SCHIP1: variants seen among roughly 807,000 people sequenced by gnomAD.
SCHIP1 encodes the protein schwannomin interacting protein 1, also known as schwannomin-interacting protein 1.
Under a neutral mutation model 29.7 loss-of-function variants are expected in SCHIP1, and 8 were observed. The ratio of observed to expected loss-of-function variants is 0.27; its 90% CI spans 0.16 to 0.49. The LOEUF (loss-of-function observed/expected upper bound fraction) is 0.49, where lower values mean the gene tolerates loss of function less well. SCHIP1 is among the 20% of genes least tolerant of loss of function. The pLI, the probability that SCHIP1 is intolerant of heterozygous loss-of-function variation, is 0.99. For synonymous variants in SCHIP1, 76 were observed against 94.9 expected, an observed-to-expected ratio of 0.80 and a Z score of 1.16; for missense variants, 193 against 294.6, an observed-to-expected ratio of 0.66 and a Z score of 2.52.
the SCHIP1 span, among the ~76,000 whole-genome samples, chr3:159,410,825 C>T: frequency 1.3e-5 from 2 of 152,040 alleles, no homozygotes; most frequent in Non-Finnish European, 2.9e-5. Context: ...TCTTCACTCC[C>T]ATGTTAATTG....
At chr3:159,555,394 G>A in the SCHIP1 span, among the ~76,000 whole-genome samples, 1 of 151,968 alleles carries the variant, frequency 6.6e-6, no homozygotes, top group Non-Finnish European at 1.5e-5. Context: ...TTTACTTTTG[G>A]CTTTTGTTAC....
At chr3:159,876,449 T>C (rs914116244) in intron 2 of SCHIP1, among the ~76,000 whole-genome samples, 1 of 152,224 alleles carries the variant, frequency 6.6e-6, no homozygotes, top group African/African-American at 2.4e-5. Context: ...TTGTGCCTAC[T>C]TCATGGGGTT....
chr3:159,673,780 AAACAAC>A, the SCHIP1 span, among the ~76,000 whole-genome samples: 614 of 152,242 alleles, frequency 4.0e-3, 2 homozygotes, highest in African/African-American at 0.014. Flanking sequence ...TTAATATTAA[AAACAAC>A]AACAACAACA....
chr3:159,368,315 G>A, the SCHIP1 span, among the ~76,000 whole-genome samples: 1 of 152,166 alleles, frequency 6.6e-6, no homozygotes, highest in Non-Finnish European at 1.5e-5. Context: ...TTCTTGGGTA[G>A]TCAAGCTCCA....
the SCHIP1 span, among the ~76,000 whole-genome samples, chr3:159,774,010 T>C: frequency 6.6e-6 from 1 of 152,258 alleles, no homozygotes; most frequent in African/African-American, 2.4e-5. Context: ...TGTATGCCAC[T>C]TACTTGTACT....
At chr3:159,560,610 C>T in the SCHIP1 span, among the ~76,000 whole-genome samples, 3,924 of 152,184 alleles carry the variant, frequency 0.026, 154 homozygotes, top group African/African-American at 0.084. Flanking sequence ...TCTTTTTCCA[C>T]GCATCATTTC....
the SCHIP1 span, among the ~76,000 whole-genome samples, chr3:159,293,661 G>T: frequency 6.6e-6 from 1 of 152,164 alleles, no homozygotes; most frequent in East Asian, 1.9e-4. Flanking sequence ...CAGACAAATA[G>T]GAGACATAAG....
intron 1 of SCHIP1, among the ~76,000 whole-genome samples, chr3:159,841,861 C>G (rs1277339083): frequency 6.6e-6 from 1 of 152,142 alleles, no homozygotes; most frequent in Non-Finnish European, 1.5e-5. Context: ...TAATAATGGT[C>G]AATAGATTTT....
the SCHIP1 span, among the ~76,000 whole-genome samples, chr3:159,493,488 A>G: frequency 6.6e-6 from 1 of 152,132 alleles, no homozygotes; most frequent in Non-Finnish European, 1.5e-5. Context: ...ACCAACAAAG[A>G]TCAAAAGAGA....
chr3:159,313,393 C>T, the SCHIP1 span, among the ~76,000 whole-genome samples: 4 of 152,212 alleles, frequency 2.6e-5, no homozygotes, highest in South Asian at 2.1e-4. Flanking sequence ...ACCATAATGA[C>T]AGCCACTACA....
At chr3:159,728,497 T>C in the SCHIP1 span, among the ~76,000 whole-genome samples, 2 of 152,178 alleles carry the variant, frequency 1.3e-5, no homozygotes, top group African/African-American at 4.8e-5. Context: ...GCCTAAGTAA[T>C]GTCTTATTAA....
the SCHIP1 span, among the ~76,000 whole-genome samples, chr3:159,427,640 A>T: frequency 4.7e-5 from 7 of 149,984 alleles, no homozygotes; most frequent in African/African-American, 1.7e-4. Flanking sequence ...TATAGATTCA[A>T]TGCCATCCCC....
chr3:159,538,749 T>C, the SCHIP1 span, among the ~76,000 whole-genome samples: 1 of 152,196 alleles, frequency 6.6e-6, no homozygotes, highest in African/African-American at 2.4e-5. Flanking sequence ...AAACATTTTA[T>C]ATAACTGCCC....
the SCHIP1 span, among the ~76,000 whole-genome samples, chr3:159,297,863 G>T: frequency 2.0e-5 from 3 of 152,288 alleles, no homozygotes; most frequent in Admixed American, 6.5e-5. Flanking sequence ...AGAAAGACTT[G>T]CTCTGACCAT....
At chr3:159,845,303 T>G (rs1711636383) in intron 1 of SCHIP1, 1 of 152,154 alleles carries the variant, frequency 6.6e-6, no homozygotes, top group Non-Finnish European at 1.5e-5. Flanking sequence ...CTCAGTACAT[T>G]TTGTTTTTAC....
At chr3:159,317,312 G>C in the SCHIP1 span, among the ~76,000 whole-genome samples, 6 of 152,166 alleles carry the variant, frequency 3.9e-5, no homozygotes, top group Admixed American at 3.9e-4. Flanking sequence ...TTAACTTCCA[G>C]TTTAATGGAA....
the SCHIP1 span, among the ~76,000 whole-genome samples, chr3:159,365,310 A>G: frequency 6.6e-6 from 1 of 152,086 alleles, no homozygotes; most frequent in African/African-American, 2.4e-5. Flanking sequence ...ATTACATGAT[A>G]TTGCTTCGTT....
chr3:159,686,980 C>A, the SCHIP1 span, among the ~76,000 whole-genome samples: 7 of 152,174 alleles, frequency 4.6e-5, no homozygotes, highest in East Asian at 1.9e-4. Context: ...TCTTTCCTCA[C>A]TGCACCCACT....
the SCHIP1 span, among the ~76,000 whole-genome samples, chr3:159,485,624 G>T: frequency 6.6e-6 from 1 of 152,154 alleles, no homozygotes; most frequent in Non-Finnish European, 1.5e-5. Context: ...ATGGACTTTG[G>T]CTTCCAATGG....
Sources: allele counts gnomAD v4.1 joint callset (sites outside exome capture counted in the v4.1 genomes callset), GRCh38; gene constraint gnomAD v4.1.1; transcripts MANE v1.5; gene names NCBI Gene and HGNC (gene_info 2026-07-23, HGNC 2026-07-21).